POLRMT: variants seen among roughly 807,000 people sequenced by gnomAD.
POLRMT encodes RNA polymerase mitochondrial, also known as DNA-directed RNA polymerase, mitochondrial.
A neutral mutation model predicts 132.2 loss-of-function variants in POLRMT; 114 were observed. That is an observed-to-expected ratio of 0.86 (90% CI 0.74 to 1.01). The LOEUF (loss-of-function observed/expected upper bound fraction) is 1.01, where lower values mean the gene tolerates loss of function less well. POLRMT is among the 50% of genes least tolerant of loss of function. POLRMT has a pLI of 0.00. For synonymous variants in POLRMT, 1,020 were observed against 773.4 expected, an observed-to-expected ratio of 1.32 and a Z score of -5.29; for missense variants, 2,003 against 1,729.1, an observed-to-expected ratio of 1.16 and a Z score of -2.81.
chr19:617,330 A>C lies in POLRMT; in HGVS notation c.3644-7T>G, dbSNP rs751112164. Reference sequence around the variant, plus strand: ...TGCTCCAGGTCGAAGGCCCCTGCGGAGGAAGCAGAGCGGACGGCGTGGGTG... The same window carrying C: ...TGCTCCAGGTCGAAGGCCCCTGCGGCGGAAGCAGAGCGGACGGCGTGGGTG... On this transcript the variant is annotated splice_region_variant and splice_polypyrimidine_tract_variant and intron_variant, in intron 20 of 20. Coordinates refer to ENST00000588649, the MANE Select transcript of POLRMT (RefSeq NM_005035.4). 6.2e-7 allele frequency: 1 copy of C among 1,612,872 alleles called. No individual in the cohort carries two copies. The highest frequency in any genetic ancestry group is 2.2e-5 in the East Asian group (1 of 44,876).
rs779668163 is a variant in POLRMT at position 622,845 on chromosome 19, G to A, written c.1431C>T (p.Arg477=). 6.2e-6 allele frequency: 10 copies of A among 1,602,426 alleles called. No homozygotes were observed. Among genetic ancestry groups the A allele is most frequent in the Admixed American group, 1.7e-5 (1 of 58,596 alleles). The change falls in exon 7 of 21, where the codon CGC becomes CGT. Residue 477 remains arginine (R), a synonymous_variant. Transcript: ENST00000588649. ...LYPFLCLLDE[R]EVVRMLLQVL... is the part of the protein sequence containing the mutation. The stretch of plus-strand genomic sequence containing the variant: ...CCTGCAGGAGCATCCGCACCACCTC[G>A]CGCTCGTCCAGCAGGCACAGGAAGG...
At position 622,806 on chromosome 19, in the gene POLRMT, C is replaced by T. The variant is rs1308320051; in HGVS notation, c.1455+15G>A. 3.2e-6 allele frequency: 5 copies of T among 1,578,970 alleles called. No individual in the cohort carries two copies. The South Asian group carries it at 3.4e-5, about 11-fold the overall frequency. On this transcript the variant is annotated intron_variant, in intron 7 of 20. Coordinates refer to ENST00000588649, the MANE Select transcript of POLRMT (RefSeq NM_005035.4). Reference sequence around the variant, plus strand: ...CGCCCCGCCCGGGGACCCGGCCGCGCGGAGGAAGACGCACCTGCAGGAGCA... The same window carrying T: ...CGCCCCGCCCGGGGACCCGGCCGCGTGGAGGAAGACGCACCTGCAGGAGCA...
intron 10 of POLRMT, among the ~76,000 whole-genome samples, chr19:620,846 G>A (rs10420056): frequency 0.029 from 3,081 of 106,936 alleles, 133 homozygotes; most frequent in South Asian, 0.19. Context: ...AGCAGGACGG[G>A]CAGGGGGCGC....
Position 622,373 on chromosome 19 carries a change from C to G in POLRMT, c.1627G>C (p.Val543Leu). 6.5e-7 allele frequency: 1 copy of G among 1,546,688 alleles called. No homozygotes were observed. The highest frequency in any genetic ancestry group is 8.7e-7 in the Non-Finnish European group (1 of 1,146,782). Residue 543 changes from valine (V) to leucine (L), a missense_variant and splice_region_variant, in exon 9 of 21, where the codon GTG becomes CTG. Val to Leu is a conservative substitution (Grantham distance 32). Coordinates refer to ENST00000588649, the MANE Select transcript of POLRMT (RefSeq NM_005035.4). The part of the protein sequence containing the change: ...YLCLLASDAE[V>L]PEPCLPRQYW... The stretch of plus-strand genomic sequence containing the variant: ...TGCCGCGGCAGGCAGGGCTCGGGCA[C>G]CTGTAGGACAGGGCGGTCAGGGCGC...
intron 12 of POLRMT, 42 bp from the exon 13 acceptor site, chr19:619,807 G>C (rs757701847): frequency 6.5e-7 from 1 of 1,549,524 alleles, no homozygotes; most frequent in Non-Finnish European, 8.7e-7. Context: ...AGCCCCGCTA[G>C]CAGCCCAGGG....
chr19:629,260 G>A (rs530180479), intron 3 of POLRMT, among the ~76,000 whole-genome samples: 3 of 151,892 alleles, frequency 2.0e-5, no homozygotes, highest in East Asian at 3.9e-4. Context: ...GCTGCCCCCC[G>A]ACGAGGCCAA....
chr19:630,265 C>T, intron 2 of POLRMT, 97 bp from the exon 3 acceptor site: 1 of 1,400,542 alleles, frequency 7.1e-7, no homozygotes, highest in Non-Finnish European at 9.6e-7. Context: ...GTGCAGGTGG[C>T]TGAGCTCGCT....
rs1033334969 is a variant in POLRMT, at chr19:620,621, C to A, written c.2641-134G>T. On this transcript the variant is annotated intron_variant, in intron 10 of 20. Transcript: ENST00000588649. ...ATAGTGAACACGGGACGCATGTGGG[C>A]GAGAGACGGGGCGGTGGCTGGATGA... is the stretch of plus-strand genomic sequence containing the variant. The A allele has an allele frequency of 4.3e-6, 5 of 1,159,932 alleles. No individual in the cohort carries two copies. In the East Asian group the frequency reaches 1.1e-4, roughly 26 times the overall value. 71.9% of individuals were successfully genotyped at this position (1,159,932 alleles called of 1,614,324 possible).
At chr19:629,280 T>G (rs1308233114) in intron 3 of POLRMT, among the ~76,000 whole-genome samples, 1 of 151,986 alleles carries the variant, frequency 6.6e-6, no homozygotes, top group Admixed American at 6.6e-5. Context: ...AAAGCACCCC[T>G]GCCCAGACAG....
In POLRMT at chr19:620,023, C is replaced by G. The variant is rs1201151966; in HGVS notation, c.2821G>C (p.Ala941Pro). 6.3e-7 allele frequency: 1 copy of G among 1,574,828 alleles called. No homozygotes were observed. Among genetic ancestry groups the G allele is most frequent in the Non-Finnish European group, 8.6e-7 (1 of 1,165,044 alleles). Residue 941 changes from alanine (A) to proline (P), a missense_variant, in exon 12 of 21, where the codon GCC becomes CCC. By Grantham distance (27) the Ala-to-Pro change is conservative. Coordinates refer to ENST00000588649, the MANE Select transcript of POLRMT (RefSeq NM_005035.4). Reference protein sequence around the residue: ...YAALGRDSVGAASVNLEPSDV... With the variant: ...YAALGRDSVGPASVNLEPSDV... ...GAGGGCTCCAGGTTGACGGAGGCGG[C>G]GCCCACGCTGTCGCGGCCCAGAGCA...
At chr19:632,395 G>A (rs1332385239) in intron 2 of POLRMT, among the ~76,000 whole-genome samples, 1 of 152,200 alleles carries the variant, frequency 6.6e-6, no homozygotes, top group African/African-American at 2.4e-5. Context: ...GCCTGCCACC[G>A]CTGGAGCCTG....
intron 12 of POLRMT, 23 bp from the exon 13 acceptor site, chr19:619,788 G>C: frequency 1.3e-6 from 2 of 1,552,622 alleles, no homozygotes; most frequent in East Asian, 2.3e-5. Context: ...TGGGCCGGGG[G>C]CGCGGGTCAG....
At position 619,212 on chromosome 19, in the gene POLRMT, G is replaced by C. The variant is rs1600557852; in HGVS notation, c.3151C>G (p.Gln1051Glu). ...QEMFSGTRAI[Q>E]HWLTESARLI... ...AGCGGGGACAGGACAGGACGTACCTGGATGGCCCGGGTCCCCGAGAACATC... is the reference window on the plus strand; with the variant it reads ...AGCGGGGACAGGACAGGACGTACCTCGATGGCCCGGGTCCCCGAGAACATC... The change falls in exon 14 of 21, where the codon CAG becomes GAG. Residue 1051 changes from glutamine (Q) to glutamate (E), a missense_variant and splice_region_variant. Coordinates refer to ENST00000588649, the MANE Select transcript of POLRMT (RefSeq NM_005035.4). 1.2e-6 allele frequency: 2 copies of C among 1,611,342 alleles called. No homozygotes were observed. Among genetic ancestry groups the C allele is most frequent in the East Asian group, 2.2e-5 (1 of 44,832 alleles).
intron 8 of POLRMT, 94 bp from the exon 9 acceptor site, chr19:622,467 C>A (rs1984691153): frequency 1.4e-6 from 2 of 1,465,874 alleles, no homozygotes; most frequent in Non-Finnish European, 1.8e-6. Flanking sequence ...CATCTGTCAG[C>A]CCAAGCATAC....
intron 1 of POLRMT, 37 bp from the exon 2 acceptor site, chr19:632,975 C>A (rs1039049426): frequency 7.0e-7 from 1 of 1,425,644 alleles, no homozygotes; most frequent in Non-Finnish European, 9.3e-7. Flanking sequence ...CGGGGCCGGG[C>A]GTGTGGGCGG....
chr19:619,357 C>A lies in POLRMT; in HGVS notation c.3067-61G>T, dbSNP rs1031564098. 3.9e-6 allele frequency: 6 copies of A among 1,554,264 alleles called. No individual in the cohort carries two copies. In the East Asian group the frequency reaches 9.0e-5, roughly 23 times the overall value. On this transcript the variant is annotated intron_variant, in intron 13 of 20. Coordinates refer to ENST00000588649, the MANE Select transcript of POLRMT (RefSeq NM_005035.4). ...GGCTGGCCCGTTCACGCCCTACTCC[C>A]CCCTATTTCAGAGCCACTGAGGCCC...
rs780985173 is a variant in POLRMT, at chr19:619,007, G to A, written c.3257C>T (p.Ser1086Phe). 3.2e-6 allele frequency: 5 copies of A among 1,584,318 alleles called. No individual in the cohort carries two copies. Among genetic ancestry groups the A allele is most frequent in the East Asian group, 2.2e-5 (1 of 44,470 alleles). Residue 1086 changes from serine (S) to phenylalanine (F), a missense_variant, in exon 15 of 21, where the codon TCC (serine) becomes TTC (phenylalanine). Physicochemically the swap from Ser to Phe is radical, Grantham distance 155 (BLOSUM62 -2). Coordinates refer to ENST00000588649, the MANE Select transcript of POLRMT (RefSeq NM_005035.4). ...VPVIQPYRLD[S>F]KVKQIGGGIQ... Reference sequence around the variant, plus strand: ...GGGTGGTACACTGACCTTGACCTTGGAGTCCAGGCGATAGGGCTGGATGAC... The same window carrying A: ...GGGTGGTACACTGACCTTGACCTTGAAGTCCAGGCGATAGGGCTGGATGAC...
intron 3 of POLRMT, among the ~76,000 whole-genome samples, chr19:626,309 A>G (rs1223040168): frequency 1.3e-5 from 2 of 150,548 alleles, no homozygotes; most frequent in Admixed American, 6.6e-5. Context: ...ATGCCACCAC[A>G]CCCAGCTAAT....
intron 3 of POLRMT, among the ~76,000 whole-genome samples, chr19:627,037 C>T (rs1285574755): frequency 6.6e-6 from 1 of 151,632 alleles, no homozygotes; most frequent in Admixed American, 6.6e-5. Context: ...CAGACTATTC[C>T]AAAGGGAAAA....
Sources: gnomAD v4.1 joint callset for allele counts (sites outside exome capture counted in the v4.1 genomes callset) on GRCh38, gnomAD v4.1.1 for gene constraint, MANE v1.5 for transcripts, NCBI Gene and HGNC (gene_info 2026-07-23, HGNC 2026-07-21) for gene names.